The following VWCE variants were observed in gnomAD, a reference collection of about 807,000 sequenced individuals.
VWCE encodes von Willebrand factor C and EGF domains, also known as von Willebrand factor C and EGF domain-containing protein.
Under a neutral mutation model 102.9 loss-of-function variants are expected in VWCE, and 68 were observed. The observed-to-expected ratio is 0.66, with a 90% CI of 0.54 to 0.81. The LOEUF is 0.81. Ranked by LOEUF, VWCE falls within the 30% of genes least tolerant of loss-of-function variation. The probability of loss-of-function intolerance (pLI) is 0.00; values close to 1 mark genes in which losing one functional copy is unlikely to be tolerated. For synonymous variants in VWCE, 497 were observed against 515.4 expected (o/e 0.96, Z 0.48); for missense variants, 1,137 against 1,263.6 (o/e 0.90, Z 1.52).
In VWCE at chr11:61,290,736, G is replaced by A. The variant is rs554134036; in HGVS notation, c.424+63C>T. The A allele has an allele frequency of 5.2e-6, 8 of 1,542,518 alleles. No individual in the cohort carries two copies. The African/African-American group carries it at 9.5e-5, about 18-fold the overall frequency. ...TACACTGGAGACCATCCTGGCAGGA[G>A]GGGGAGGAGATATAATTCCCGCTGT... is the stretch of plus-strand genomic sequence containing the variant. On this transcript the variant is annotated intron_variant, in intron 4 of 19. Transcript: ENST00000335613.
At chr11:61,276,409 C>CAA (rs562474115) in intron 11 of VWCE, among the ~76,000 whole-genome samples, 184 bp downstream of exon 11, 3 of 137,024 alleles carry the variant, frequency 2.2e-5, no homozygotes, top group African/African-American at 8.0e-5. Flanking sequence ...GTCTCCCTCT[C>CAA]AAAAAAAAAA....
At chr11:61,291,973 G>A (rs1042377232) in intron 1 of VWCE, among the ~76,000 whole-genome samples, 3 of 152,204 alleles carry the variant, frequency 2.0e-5, no homozygotes, top group Non-Finnish European at 4.4e-5. Context: ...TGTAATCCCA[G>A]CACTTTGGGA....
At chr11:61,267,603 G>T in intron 15 of VWCE, 59 bp from the exon 16 acceptor site, 3 of 1,543,988 alleles carry the variant, frequency 1.9e-6, no homozygotes, top group Non-Finnish European at 2.7e-6. Flanking sequence ...CAGGCTTCCC[G>T]CCAGGGCCAA....
chr11:61,282,761 G>A, intron 6 of VWCE, 28 bp downstream of exon 6: 1 of 1,585,680 alleles, frequency 6.3e-7, no homozygotes, highest in Non-Finnish European at 8.7e-7. Flanking sequence ...GCCTAAGTGT[G>A]CAGACCACAG....
rs911809092 is a variant in VWCE at position 61,290,839 on chromosome 11, G to C, written c.384C>G (p.Gly128=). Residue 128 remains glycine, a synonymous_variant, in exon 4 of 20, where the codon GGC becomes GGG. Transcript: ENST00000335613. ...CAACAGCTGTCTCCGTCATCGAGAA[G>C]CCCACGGGGCACACTCGGGCCACCT... ...CQEVARVCPV[G]FSMTETAVGI... The C allele has an allele frequency of 2.5e-6, 4 of 1,612,264 alleles. No individual in the cohort carries two copies. In the African/African-American group the frequency reaches 4.0e-5, roughly 16 times the overall value.
intron 13 of VWCE, among the ~76,000 whole-genome samples, chr11:61,272,159 TACAC>T (rs577408334): frequency 1.3e-5 from 2 of 150,418 alleles, no homozygotes; most frequent in African/African-American, 5.0e-5. Context: ...CACATTTACA[TACAC>T]ACACAGATAC....
chr11:61,262,710 T>C (rs996158650), intron 19 of VWCE, among the ~76,000 whole-genome samples: 2 of 152,128 alleles, frequency 1.3e-5, no homozygotes, highest in Admixed American at 6.5e-5. Context: ...AAACAGAACA[T>C]ACTCTTCAAA....
intron 16 of VWCE, among the ~76,000 whole-genome samples, chr11:61,265,793 C>G (rs1317310297): frequency 6.6e-6 from 1 of 152,216 alleles, no homozygotes; most frequent in Non-Finnish European, 1.5e-5. Flanking sequence ...CACCTGTAAT[C>G]CCAACATTTT....
At chr11:61,289,442 G>C (rs914725410) in intron 4 of VWCE, among the ~76,000 whole-genome samples, 1 of 151,318 alleles carries the variant, frequency 6.6e-6, no homozygotes, top group Non-Finnish European at 1.5e-5. Flanking sequence ...TAGAGACAGG[G>C]TTTCACCATG....
At chr11:61,282,599 A>G (rs1463800350) in intron 6 of VWCE, 190 bp downstream of exon 6, 3 of 600,758 alleles carry the variant, frequency 5.0e-6, no homozygotes, top group Non-Finnish European at 3.0e-6. Flanking sequence ...GGAAAAGTCC[A>G]AGACAGGGTC....
Position 61,285,234 on chromosome 11 carries a change from G to A in VWCE, c.541+1080C>T, listed in dbSNP as rs1376031016. 3.3e-5 allele frequency among the ~76,000 whole-genome samples: 5 copies of A among 152,122 alleles called. No individual in the cohort carries two copies. In the East Asian group the frequency reaches 9.6e-4, roughly 29 times the overall value. ...GCAGTGGGAAAGAGGGCCTGGGCTAGCACCATGGCTTTTAAATTTTTTCTC... is the reference window on the plus strand; with the variant it reads ...GCAGTGGGAAAGAGGGCCTGGGCTAACACCATGGCTTTTAAATTTTTTCTC... On this transcript the variant is annotated intron_variant, in intron 5 of 19. Transcript: ENST00000335613.
chr11:61,284,176 C>A (rs1239062515), intron 5 of VWCE, among the ~76,000 whole-genome samples: 1 of 149,092 alleles, frequency 6.7e-6, no homozygotes, highest in Non-Finnish European at 1.5e-5. Context: ...CCAGCCTGGG[C>A]AACACAGCAA....
In VWCE at chr11:61,291,407, C is replaced by T. The variant is rs775454079; in HGVS notation, c.206-54G>A. 19 of 1,583,314 alleles carry T rather than the reference C, an allele frequency of 1.2e-5. No individual in the cohort carries two copies. In the Admixed American group the frequency reaches 3.3e-4, roughly 27 times the overall value. ...AGGAACTGGGGCCTCCCGTCTGCCC[C>T]TCGGACCAGGGACTGAGGGCTGGCA... is the stretch of plus-strand genomic sequence containing the variant. On this transcript the variant is annotated intron_variant, in intron 2 of 19. Transcript: ENST00000335613.
In VWCE at chr11:61,271,718, T is replaced by C; in HGVS notation, c.1742A>G (p.Gln581Arg). 1 of 1,613,748 alleles carries C rather than the reference T, an allele frequency of 6.2e-7. No individual in the cohort carries two copies. Among genetic ancestry groups the C allele is most frequent in the South Asian group, 1.1e-5 (1 of 90,980 alleles). The change falls in exon 14 of 20, where the codon CAG becomes CGG. Residue 581 changes from glutamine to arginine, a missense_variant. Physicochemically the swap from Gln to Arg is conservative, Grantham distance 43 (BLOSUM62 1). This residue lies in a region of VWCE where 212 missense variants were observed against 235.1 expected (regional missense o/e 0.90). Coordinates refer to ENST00000335613, the MANE Select transcript of VWCE (RefSeq NM_152718.2). ...ACAGGGGTCACCAGGCGACCAGATCTGTCCAATCGGAAACTCAACCCCGTT... is the reference window on the plus strand; with the variant it reads ...ACAGGGGTCACCAGGCGACCAGATCCGTCCAATCGGAAACTCAACCCCGTT... ...DDNGVEFPIG[Q>R]IWSPGDPCEL...
chr11:61,286,356 C>G lies in VWCE; in HGVS notation c.499G>C (p.Gly167Arg). 6.2e-7 allele frequency: 1 copy of G among 1,611,948 alleles called. No homozygotes were observed. Among genetic ancestry groups the G allele is most frequent in the African/African-American group, 1.3e-5 (1 of 75,074 alleles). ...NTEGGFVCEC[G>R]PGMQLSADRH... ...TCGGCAGACAGCTGCATGCCCGGCC[C>G]ACACTCGCACACAAACCCACCTTCT... Residue 167 changes from glycine to arginine, a missense_variant, in exon 5 of 20, where the codon GGG becomes CGG. Gly to Arg is a moderately radical substitution (Grantham distance 125). Transcript: ENST00000335613.
chr11:61,278,349 G>T (rs117994695), intron 10 of VWCE, 45 bp downstream of exon 10: 27,056 of 1,604,808 alleles, frequency 0.017, 297 homozygotes, highest in Non-Finnish European at 0.021. Context: ...ACCCCCAAAG[G>T]TTAAGAAAAC....
intron 19 of VWCE, among the ~76,000 whole-genome samples, chr11:61,261,343 C>T (rs879368638): frequency 3.9e-5 from 6 of 152,006 alleles, no homozygotes; most frequent in East Asian, 1.9e-4. Flanking sequence ...TAGATGGTTG[C>T]GTAACTCTAA....
rs533926416 is a variant in VWCE at position 61,286,880 on chromosome 11, G to A, written c.425-450C>T. ...TGGGAGGCTGAGGCGGGCAGATCAC[G>A]AGGTCAGGAGATCAAGACCATCCTG... is the stretch of plus-strand genomic sequence containing the variant. On this transcript the variant is annotated intron_variant, in intron 4 of 19. Coordinates refer to ENST00000335613, the MANE Select transcript of VWCE (RefSeq NM_152718.2). Among the ~76,000 whole-genome samples the A allele has an allele frequency of 8.6e-5, 13 of 151,860 alleles. No homozygotes were observed. The East Asian group carries it at 1.9e-3, about 23-fold the overall frequency.
chr11:61,260,256 C>A (rs755990924), intron 19 of VWCE, among the ~76,000 whole-genome samples: 1 of 151,974 alleles, frequency 6.6e-6, no homozygotes, highest in Non-Finnish European at 1.5e-5. Flanking sequence ...CTCCGTTTCA[C>A]CAAAATTTAA....
Sources: allele counts gnomAD v4.1 joint callset (sites outside exome capture counted in the v4.1 genomes callset), GRCh38; gene constraint gnomAD v4.1.1; regional missense constraint gnomAD v4.1.1; transcripts MANE v1.5; gene names NCBI Gene and HGNC (gene_info 2026-07-23, HGNC 2026-07-21).